The following CNTN5 variants were observed in gnomAD, a reference collection of about 807,000 sequenced individuals.
CNTN5 encodes the protein contactin 5.
Under a neutral mutation model 129.1 loss-of-function variants are expected in CNTN5, and 77 were observed. The ratio of observed to expected loss-of-function variants is 0.60; its 90% CI spans 0.50 to 0.72. The LOEUF (loss-of-function observed/expected upper bound fraction) is 0.72. CNTN5 is among the 30% of genes least tolerant of loss of function. CNTN5 has a pLI of 0.00. For synonymous variants in CNTN5, 509 were observed against 465.6 expected (o/e 1.09, Z -1.20); for missense variants, 1,478 against 1,328.8 (o/e 1.11, Z -1.75).
At chr11:99,710,354 C>T (rs544233483) in intron 3 of CNTN5, among the ~76,000 whole-genome samples, 13 of 151,876 alleles carry the variant, frequency 8.6e-5, no homozygotes, top group Admixed American at 5.9e-4. Flanking sequence ...TTCTACAAAC[C>T]CTTTTGTTCT....
At chr11:99,222,704 A>C (rs188012709) in intron 1 of CNTN5, among the ~76,000 whole-genome samples, 9 of 152,248 alleles carry the variant, frequency 5.9e-5, no homozygotes, top group Admixed American at 5.2e-4. Flanking sequence ...TTGTTATTTA[A>C]ATTATAATTA....
intron 1 of CNTN5, among the ~76,000 whole-genome samples, chr11:99,226,113 G>T (rs928891221): frequency 6.6e-6 from 1 of 152,048 alleles, no homozygotes; most frequent in African/African-American, 2.4e-5. Flanking sequence ...AAAAATCATG[G>T]GTAGAATGTC....
intron 3 of CNTN5, among the ~76,000 whole-genome samples, chr11:99,598,375 C>T (rs113779131): frequency 0.36 from 3,353 of 9,394 alleles, 983 homozygotes; most frequent in Non-Finnish European, 0.46. Flanking sequence ...TCTCTCTCTC[C>T]CTCTCTCTCT....
chr11:99,965,594 T>C (rs1288529344), intron 8 of CNTN5, among the ~76,000 whole-genome samples: 1 of 152,204 alleles, frequency 6.6e-6, no homozygotes, highest in African/African-American at 2.4e-5. Flanking sequence ...GTGGTCAGTT[T>C]TGGAACAGGT....
chr11:99,221,324 A>C (rs1860386480), intron 1 of CNTN5, among the ~76,000 whole-genome samples: 1 of 151,994 alleles, frequency 6.6e-6, no homozygotes, highest in South Asian at 2.1e-4. Flanking sequence ...TTCTCAGGCT[A>C]TCTCAGAGAC....
intron 1 of CNTN5, among the ~76,000 whole-genome samples, chr11:99,192,028 T>A (rs981367716): frequency 6.6e-6 from 1 of 151,778 alleles, no homozygotes. Context: ...TGTATTTTTT[T>A]AAAAAGATAA....
At chr11:100,042,310 T>G (rs534365851) in intron 9 of CNTN5, among the ~76,000 whole-genome samples, 1 of 152,136 alleles carries the variant, frequency 6.6e-6, no homozygotes, top group Non-Finnish European at 1.5e-5. Flanking sequence ...GCTTTTTATG[T>G]GCTTTCTTAG....
chr11:99,708,189 A>G (rs1260006534), intron 3 of CNTN5, among the ~76,000 whole-genome samples: 1 of 151,734 alleles, frequency 6.6e-6, no homozygotes, highest in Admixed American at 6.6e-5. Context: ...CTCCTATGGG[A>G]AATACAGGGA....
At chr11:99,045,117 CAGT>C (rs1416557523) in intron 1 of CNTN5, among the ~76,000 whole-genome samples, 2 of 152,156 alleles carry the variant, frequency 1.3e-5, no homozygotes, top group Non-Finnish European at 2.9e-5. Context: ...ATGATTGATA[CAGT>C]CAGGATGCAT....
chr11:100,069,329 T>A (rs370492424), intron 10 of CNTN5, among the ~76,000 whole-genome samples: 12 of 152,108 alleles, frequency 7.9e-5, no homozygotes, highest in African/African-American at 2.7e-4. Flanking sequence ...ATTTTTTTTT[T>A]TTTATTTTTA....
At chr11:99,481,308 A>G (rs1945591812) in intron 2 of CNTN5, among the ~76,000 whole-genome samples, 2 of 152,162 alleles carry the variant, frequency 1.3e-5, no homozygotes, top group Admixed American at 6.5e-5. Flanking sequence ...CACCATTAAT[A>G]TCAAAATATT....
At chr11:99,231,980 A>G (rs886719055) in intron 1 of CNTN5, among the ~76,000 whole-genome samples, 3 of 151,916 alleles carry the variant, frequency 2.0e-5, no homozygotes, top group African/African-American at 7.3e-5. Flanking sequence ...CTTATTTCCG[A>G]GTTCTCTATT....
chr11:99,177,934 G>A (rs1857858435), intron 1 of CNTN5, among the ~76,000 whole-genome samples: 1 of 152,154 alleles, frequency 6.6e-6, no homozygotes, highest in Non-Finnish European at 1.5e-5. Context: ...AGCAGCAGCA[G>A]CAGTCAACTT....
intron 15 of CNTN5, among the ~76,000 whole-genome samples, chr11:100,218,904 G>T (rs2138611432): frequency 6.6e-6 from 1 of 152,224 alleles, no homozygotes; most frequent in Non-Finnish European, 1.5e-5. Context: ...CAGTTTTAAA[G>T]GATTAACTTA....
intron 1 of CNTN5, among the ~76,000 whole-genome samples, chr11:99,243,736 A>ATTTTTTTTTTTT (rs35250111): frequency 8.5e-6 from 1 of 117,692 alleles, no homozygotes; most frequent in African/African-American, 3.2e-5. Flanking sequence ...CCTATTGCTT[A>ATTTTTTTTTTTT]TTTTTTTTTT....
chr11:100,104,806 G>C (rs1945362329), intron 13 of CNTN5, among the ~76,000 whole-genome samples: 1 of 152,076 alleles, frequency 6.6e-6, no homozygotes, highest in Non-Finnish European at 1.5e-5. Flanking sequence ...TATGCTTACT[G>C]TACTATTCCC....
At chr11:99,610,705 G>A (rs2135729181) in intron 3 of CNTN5, among the ~76,000 whole-genome samples, 1 of 152,206 alleles carries the variant, frequency 6.6e-6, no homozygotes, top group South Asian at 2.1e-4. Context: ...CGCATGTTAG[G>A]AAATGATAAA....
chr11:99,719,666 A>T (rs1216119085), intron 3 of CNTN5, among the ~76,000 whole-genome samples: 1 of 152,096 alleles, frequency 6.6e-6, no homozygotes, highest in Non-Finnish European at 1.5e-5. Context: ...CCTCAAAGCT[A>T]CCAGAACACA....
At chr11:99,179,896 A>C in intron 1 of CNTN5, among the ~76,000 whole-genome samples, 1 of 152,320 alleles carries the variant, frequency 6.6e-6, no homozygotes, top group East Asian at 1.9e-4. Context: ...AAACATTGAA[A>C]AGTCAACCAC....
Sources: allele counts gnomAD v4.1 joint callset (sites outside exome capture counted in the v4.1 genomes callset), GRCh38; gene constraint gnomAD v4.1.1; transcripts MANE v1.5; gene names NCBI Gene and HGNC (gene_info 2026-07-23, HGNC 2026-07-21).